The following NPAS3 variants were observed in gnomAD, a reference collection of about 807,000 sequenced individuals.
NPAS3 encodes the protein neuronal PAS domain protein 3.
Under a neutral mutation model 73.1 loss-of-function variants are expected in NPAS3, and 14 were observed. The observed-to-expected ratio is 0.19, with a 90% CI of 0.13 to 0.30. NPAS3 has a LOEUF of 0.30. Among genes scored for constraint, NPAS3 ranks in the 10% least tolerant of loss-of-function variants. NPAS3 has a pLI of 1.00. For missense variants in NPAS3, 1,096 were observed against 1,250.0 expected (o/e 0.88, Z 1.86); for synonymous variants, 620 against 541.5 (o/e 1.14, Z -2.01).
chr14:33,680,958 G>C (rs1595427268), intron 6 of NPAS3: 2 of 286,120 alleles, frequency 7.0e-6, no homozygotes, highest in African/African-American at 2.2e-5. Context: ...TTATACTTAC[G>C]CTATGTCCCG....
intron 5 of NPAS3, among the ~76,000 whole-genome samples, chr14:33,587,028 C>T (rs1310138591): frequency 1.3e-5 from 2 of 152,162 alleles, no homozygotes; most frequent in Non-Finnish European, 2.9e-5. Context: ...TAGCTGAGTG[C>T]CTGGTCCTGT....
At chr14:33,115,847 C>T (rs562920421) in intron 2 of NPAS3, among the ~76,000 whole-genome samples, 1 of 152,178 alleles carries the variant, frequency 6.6e-6, no homozygotes, top group East Asian at 1.9e-4. Flanking sequence ...ATTTGGCCCA[C>T]ATCACTGCTA....
chr14:33,065,325 T>G (rs1168566840), intron 2 of NPAS3, among the ~76,000 whole-genome samples: 1 of 152,144 alleles, frequency 6.6e-6, no homozygotes, highest in Non-Finnish European at 1.5e-5. Flanking sequence ...TATGAAAAGT[T>G]AAACGATTAG....
intron 3 of NPAS3, among the ~76,000 whole-genome samples, chr14:33,352,879 A>G (rs781048633): frequency 1.6e-4 from 25 of 152,208 alleles, no homozygotes; most frequent in Non-Finnish European, 3.5e-4. Flanking sequence ...CTTAACAGCA[A>G]TGGTGCAAGT....
At chr14:33,408,078 T>G (rs1349563207) in intron 4 of NPAS3, among the ~76,000 whole-genome samples, 1 of 152,176 alleles carries the variant, frequency 6.6e-6, no homozygotes, top group African/African-American at 2.4e-5. Flanking sequence ...TATTAGTCAC[T>G]TTGGAAGTAC....
At chr14:33,220,265 C>T (rs1034082138) in intron 3 of NPAS3, among the ~76,000 whole-genome samples, 1 of 152,176 alleles carries the variant, frequency 6.6e-6, no homozygotes, top group Admixed American at 6.5e-5. Flanking sequence ...ATCTCTACTT[C>T]TGTTTTGTCC....
At chr14:33,023,818 G>A (rs1321302381) in intron 1 of NPAS3, among the ~76,000 whole-genome samples, 1 of 152,070 alleles carries the variant, frequency 6.6e-6, no homozygotes, top group African/African-American at 2.4e-5. Context: ...TACAGACCAT[G>A]CAAAAATCCA....
intron 10 of NPAS3, among the ~76,000 whole-genome samples, chr14:33,796,017 G>A (rs1228391864): frequency 6.6e-6 from 1 of 152,078 alleles, no homozygotes; most frequent in African/African-American, 2.4e-5. Flanking sequence ...AGAAGACTAA[G>A]GTAGATGGGC....
chr14:33,523,676 A>G (rs2053662215), intron 4 of NPAS3, among the ~76,000 whole-genome samples: 2 of 151,124 alleles, frequency 1.3e-5, no homozygotes, highest in South Asian at 4.2e-4. Flanking sequence ...CCTATTCTGG[A>G]GGCTGAGGCA....
intron 3 of NPAS3, among the ~76,000 whole-genome samples, chr14:33,289,755 G>A (rs1253771126): frequency 6.6e-6 from 1 of 151,748 alleles, no homozygotes; most frequent in Non-Finnish European, 1.5e-5. Flanking sequence ...CCAGGAGTCG[G>A]AGGTTACGTT....
At chr14:33,658,376 G>A (rs1455266881) in intron 5 of NPAS3, among the ~76,000 whole-genome samples, 1 of 152,176 alleles carries the variant, frequency 6.6e-6, no homozygotes, top group Non-Finnish European at 1.5e-5. Context: ...TATTAATAGT[G>A]TCACCTTAAC....
intron 5 of NPAS3, among the ~76,000 whole-genome samples, chr14:33,645,814 G>C (rs1288893887): frequency 4.6e-5 from 7 of 152,248 alleles, no homozygotes; most frequent in Admixed American, 4.6e-4. Context: ...AATGAGAAGA[G>C]CTAGAGCACC....
intron 3 of NPAS3, among the ~76,000 whole-genome samples, chr14:33,273,065 G>T (rs1244630952): frequency 6.6e-6 from 1 of 152,040 alleles, no homozygotes; most frequent in Non-Finnish European, 1.5e-5. Flanking sequence ...GGTCCCTGAC[G>T]GTCCATGTGT....
chr14:33,577,496 C>A (rs191632379), intron 5 of NPAS3, among the ~76,000 whole-genome samples: 57 of 152,186 alleles, frequency 3.7e-4, no homozygotes, highest in Admixed American at 2.8e-3. Flanking sequence ...GTCAAAGTAA[C>A]CTTGTGAGGC....
intron 2 of NPAS3, among the ~76,000 whole-genome samples, chr14:33,198,468 CAT>C (rs2046468951): frequency 6.6e-6 from 1 of 152,176 alleles, no homozygotes; most frequent in Admixed American, 6.5e-5. Context: ...TGTAGCTAGA[CAT>C]AAAAGTTCTC....
intron 4 of NPAS3, among the ~76,000 whole-genome samples, chr14:33,497,796 CATGACTAA>C (rs1313753404): frequency 2.6e-5 from 4 of 151,976 alleles, no homozygotes; most frequent in Admixed American, 2.6e-4. Context: ...GGGCAGACTT[CATGACTAA>C]ATCACCAAAA....
At chr14:33,326,084 ATTAATTTAAGGTGATGATACC>A (rs1388610581) in intron 3 of NPAS3, among the ~76,000 whole-genome samples, 14 of 152,242 alleles carry the variant, frequency 9.2e-5, no homozygotes, top group East Asian at 3.9e-4. Context: ...AGTAAATTTT[ATTAATTTAAGGTGATGATACC>A]TTAATTTAAG....
At chr14:33,248,491 G>A (rs1352142301) in intron 3 of NPAS3, among the ~76,000 whole-genome samples, 9 of 143,944 alleles carry the variant, frequency 6.3e-5, no homozygotes, top group Non-Finnish European at 1.4e-4. Flanking sequence ...CATGGTTAAA[G>A]TATGAGTGTA....
chr14:33,051,628 C>T (rs987339400), intron 1 of NPAS3, among the ~76,000 whole-genome samples: 1 of 152,160 alleles, frequency 6.6e-6, no homozygotes, highest in African/African-American at 2.4e-5. Flanking sequence ...GCCCTTGACC[C>T]TGGCTATCAG....
Sources: allele counts gnomAD v4.1 joint callset (sites outside exome capture counted in the v4.1 genomes callset), GRCh38; gene constraint gnomAD v4.1.1; transcripts MANE v1.5; gene names NCBI Gene and HGNC (gene_info 2026-07-23, HGNC 2026-07-21).